TMEM131L: variants seen among roughly 807,000 people sequenced by gnomAD.
TMEM131L encodes transmembrane 131 like, also known as transmembrane protein 131-like.
Under a neutral mutation model 192.2 loss-of-function variants are expected in TMEM131L, and 54 were observed. The observed-to-expected ratio is 0.28, with a 90% confidence interval of 0.23 to 0.35. The LOEUF (loss-of-function observed/expected upper bound fraction) is 0.35. TMEM131L is among the 10% of genes least tolerant of loss of function. The probability of loss-of-function intolerance (pLI) is 1.00; values close to 1 mark genes in which losing one functional copy is unlikely to be tolerated. For missense variants in TMEM131L, 1,888 were observed against 1,972.9 expected (o/e 0.96, Z 0.82); for synonymous variants, 701 against 704.9 (o/e 0.99, Z 0.09).
chr4:153,568,363 G>C (rs1729364888), intron 7 of TMEM131L, among the ~76,000 whole-genome samples: 1 of 152,128 alleles, frequency 6.6e-6, no homozygotes, highest in Admixed American at 6.5e-5. Flanking sequence ...TAAAATCTCG[G>C]CTTTCTTGGC....
intron 21 of TMEM131L, among the ~76,000 whole-genome samples, chr4:153,600,768 T>C (rs1212598855): frequency 1.3e-5 from 2 of 152,238 alleles, no homozygotes; most frequent in African/African-American, 4.8e-5. Flanking sequence ...GAGCAGATTT[T>C]TGTTTGTTTG....
chr4:153,532,130 C>G lies in TMEM131L; in HGVS notation c.240-17943C>G, dbSNP rs374593404. On this transcript the variant is annotated intron_variant, in intron 3 of 34. Transcript: ENST00000409959. ...AAAGCTGTTCTTCCTCTGCAGCTGCCAGGCTGCTTGAAATTAGGCAGAATG... is the reference window on the plus strand; with the variant it reads ...AAAGCTGTTCTTCCTCTGCAGCTGCGAGGCTGCTTGAAATTAGGCAGAATG... 2.2e-4 allele frequency among the ~76,000 whole-genome samples: 34 copies of G among 152,268 alleles called. No individual in the cohort carries two copies. In the East Asian group the frequency reaches 3.9e-3, roughly 17 times the overall value.
chr4:153,621,660 T>C, intron 27 of TMEM131L, 23 bp from the exon 28 acceptor site: 1 of 1,602,002 alleles, frequency 6.2e-7, no homozygotes, highest in Non-Finnish European at 8.5e-7. Flanking sequence ...ATGTGTTTTT[T>C]TGTGTGTGTG....
At chr4:153,605,301 A>C (rs1285478607) in intron 25 of TMEM131L, among the ~76,000 whole-genome samples, 1 of 152,062 alleles carries the variant, frequency 6.6e-6, no homozygotes, top group African/African-American at 2.4e-5. Context: ...GCCTGTGCTT[A>C]TTTATTTTCT....
At chr4:153,562,887 A>G (rs180994114) in intron 7 of TMEM131L, among the ~76,000 whole-genome samples, 14 of 152,386 alleles carry the variant, frequency 9.2e-5, no homozygotes, top group South Asian at 2.1e-4. Context: ...ATTATGAAAA[A>G]GAAAACTGAG....
intron 3 of TMEM131L, among the ~76,000 whole-genome samples, chr4:153,491,155 C>T (rs1443205535): frequency 1.3e-5 from 2 of 152,070 alleles, no homozygotes; most frequent in Admixed American, 1.3e-4. Context: ...CACGTAAATG[C>T]ACACTGCTTA....
Position 153,623,018 on chromosome 4 carries a change from G to A in TMEM131L, c.3980G>A (p.Ser1327Asn). The A allele has an allele frequency of 6.2e-7, 1 of 1,614,082 alleles. No homozygotes were observed. Among genetic ancestry groups the A allele is most frequent in the Non-Finnish European group, 8.5e-7 (1 of 1,180,004 alleles). The change falls in exon 29 of 35, where the codon AGC becomes AAC. Residue 1327 changes from serine to asparagine, a missense_variant. Transcript: ENST00000409959. ...AGCCGGGGCAGCTGGGGGAGCTGGAGCAGCACCAGCAGCTCCGACGGGGAT... is the reference window on the plus strand; with the variant it reads ...AGCCGGGGCAGCTGGGGGAGCTGGAACAGCACCAGCAGCTCCGACGGGGAT... The part of the protein sequence containing the change: ...RASRGSWGSW[S>N]STSSSDGDKK...
chr4:153,577,364 G>A (rs1360012180), intron 7 of TMEM131L, among the ~76,000 whole-genome samples: 1 of 152,182 alleles, frequency 6.6e-6, no homozygotes, highest in Non-Finnish European at 1.5e-5. Context: ...GCAGTGTGGA[G>A]AATGGAGTGG....
chr4:153,491,951 C>A (rs1040949751), intron 3 of TMEM131L, among the ~76,000 whole-genome samples: 1 of 152,038 alleles, frequency 6.6e-6, no homozygotes, highest in Admixed American at 6.5e-5. Context: ...AGTGATCCAC[C>A]CACTCCCCAA....
intron 1 of TMEM131L, 127 bp from the exon 2 acceptor site, chr4:153,467,072 CCTGGGATGGCCT>C (rs1371090679): frequency 1.2e-6 from 1 of 827,958 alleles, no homozygotes; most frequent in Non-Finnish European, 2.0e-6. Context: ...TTGGCTCGCC[CCTGGGATGGCCT>C]CTGTTCCCAG....
chr4:153,466,394 C>T lies in TMEM131L; in HGVS notation c.-4C>T, dbSNP rs754211581. 1.5e-6 allele frequency: 2 copies of T among 1,321,112 alleles called. No homozygotes were observed. Among genetic ancestry groups the T allele is most frequent in the East Asian group, 3.1e-5 (1 of 32,142 alleles). The allele number at this position is 1,321,112 out of a possible 1,614,324, so 81.8% of individuals were successfully genotyped here. A position where few individuals can be genotyped will look rare whatever the true frequency, so the allele number is the denominator to read the frequency against. On this transcript the variant is annotated 5_prime_UTR_variant, in exon 1 of 35. Coordinates refer to ENST00000409959, the MANE Select transcript of TMEM131L (RefSeq NM_001131007.2). The stretch of plus-strand genomic sequence containing the variant: ...GAGCAACGGAGAGGAGCGCGAGCAG[C>T]AGCATGGCGGGGCTCCGACGCCCGC...
intron 3 of TMEM131L, among the ~76,000 whole-genome samples, chr4:153,544,747 T>G (rs1737044492): frequency 6.6e-6 from 1 of 152,262 alleles, no homozygotes; most frequent in African/African-American, 2.4e-5. Context: ...CTCCGGTGGG[T>G]TTTCGCTCTT....
intron 3 of TMEM131L, among the ~76,000 whole-genome samples, chr4:153,528,273 C>T (rs943320917): frequency 1.3e-5 from 2 of 152,186 alleles, no homozygotes; most frequent in African/African-American, 2.4e-5. Context: ...CGCAAGACTG[C>T]GTTTGAGCTC....
At chr4:153,597,761 C>T (rs190814512) in intron 20 of TMEM131L, among the ~76,000 whole-genome samples, 7 of 152,136 alleles carry the variant, frequency 4.6e-5, no homozygotes, top group Admixed American at 4.6e-4. Flanking sequence ...GGTGAAACCT[C>T]GTCCCTACAA....
intron 3 of TMEM131L, among the ~76,000 whole-genome samples, chr4:153,543,201 G>A (rs1279440971): frequency 6.6e-6 from 1 of 152,166 alleles, no homozygotes; most frequent in East Asian, 1.9e-4. Flanking sequence ...GGATTTTAAT[G>A]GAGAAAAATA....
At chr4:153,551,108 T>C (rs1737585869) in intron 4 of TMEM131L, among the ~76,000 whole-genome samples, 1 of 152,198 alleles carries the variant, frequency 6.6e-6, no homozygotes, top group African/African-American at 2.4e-5. Context: ...GAACTTCTAA[T>C]TAGTAGTTTC....
chr4:153,517,883 A>C (rs1419827431), intron 3 of TMEM131L, among the ~76,000 whole-genome samples: 1 of 152,192 alleles, frequency 6.6e-6, no homozygotes, highest in East Asian at 1.9e-4. Context: ...TCTTTGGTTC[A>C]CCTTGTTTAA....
chr4:153,515,010 C>G (rs1734633464), intron 3 of TMEM131L, among the ~76,000 whole-genome samples: 2 of 152,206 alleles, frequency 1.3e-5, no homozygotes, highest in Middle Eastern at 3.4e-3. Context: ...AGGGGTCTCC[C>G]CATGTTGGCC....
At chr4:153,620,715 A>G in intron 26 of TMEM131L, 41 bp from the exon 27 acceptor site, 2 of 1,286,284 alleles carry the variant, frequency 1.6e-6, no homozygotes, top group Non-Finnish European at 1.1e-6. Flanking sequence ...TTTTATTCAT[A>G]TTTAGTTTAA....
Sources: gnomAD v4.1 joint callset for allele counts (sites outside exome capture counted in the v4.1 genomes callset) on GRCh38, gnomAD v4.1.1 for gene constraint, MANE v1.5 for transcripts, NCBI Gene and HGNC (gene_info 2026-07-23, HGNC 2026-07-21) for gene names.